Variants in DGKB observed in about 807,000 individuals in gnomAD.
The protein encoded by DGKB is 90 kDa diacylglycerol kinase.
In DGKB, 67 loss-of-function variants were observed where a neutral mutation model predicts 114.3. That is an observed-to-expected ratio of 0.59 (90% CI 0.48 to 0.72). The LOEUF is 0.72. Ranked by LOEUF, DGKB falls within the 30% of genes least tolerant of loss-of-function variation. The pLI is 0.00. For missense variants in DGKB, 907 were observed against 975.2 expected (o/e 0.93, Z 0.93); for synonymous variants, 398 against 323.1 (o/e 1.23, Z -2.49).
chr7:14,695,927 T>G (rs1299261894), intron 8 of DGKB, among the ~76,000 whole-genome samples: 1 of 152,178 alleles, frequency 6.6e-6, no homozygotes, highest in African/African-American at 2.4e-5. Context: ...ACAGCAGACA[T>G]AATGTACAAC....
chr7:14,885,669 T>C (rs1854944756), intron 1 of DGKB, among the ~76,000 whole-genome samples: 1 of 152,008 alleles, frequency 6.6e-6, no homozygotes, highest in South Asian at 2.1e-4. Context: ...CTTGCGTCAA[T>C]TGATGGTAAT....
chr7:14,612,036 C>T (rs1805636826), intron 16 of DGKB, among the ~76,000 whole-genome samples: 2 of 150,768 alleles, frequency 1.3e-5, no homozygotes, highest in Non-Finnish European at 3.0e-5. Flanking sequence ...AAAACTATTC[C>T]CTTTAATAAA....
intron 21 of DGKB, among the ~76,000 whole-genome samples, chr7:14,443,449 G>C (rs1442469592): frequency 1.3e-5 from 2 of 152,106 alleles, no homozygotes; most frequent in Admixed American, 1.3e-4. Flanking sequence ...TTAGAAATAA[G>C]CTCTCTTGCT....
intron 2 of DGKB, among the ~76,000 whole-genome samples, chr7:14,825,039 T>C (rs1845499969): frequency 7.0e-6 from 1 of 143,208 alleles, no homozygotes; most frequent in Admixed American, 7.0e-5. Flanking sequence ...TATATATATA[T>C]ATATATATAT....
intron 20 of DGKB, among the ~76,000 whole-genome samples, chr7:14,550,312 T>C (rs926314088): frequency 6.6e-6 from 1 of 152,144 alleles, no homozygotes; most frequent in Non-Finnish European, 1.5e-5. Context: ...AAACAAAATG[T>C]AATTGAAAGA....
chr7:14,396,165 T>C (rs1433074097), intron 21 of DGKB, among the ~76,000 whole-genome samples: 2 of 152,072 alleles, frequency 1.3e-5, no homozygotes, highest in Non-Finnish European at 2.9e-5. Flanking sequence ...ATTTTAAATA[T>C]ATTAACTGTG....
At chr7:14,428,211 A>C (rs1013168584) in intron 21 of DGKB, among the ~76,000 whole-genome samples, 1 of 151,868 alleles carries the variant, frequency 6.6e-6, no homozygotes, top group Non-Finnish European at 1.5e-5. Flanking sequence ...ATCTTCCAAT[A>C]TTCTTTCATT....
chr7:14,769,133 G>A (rs764397025), intron 2 of DGKB, among the ~76,000 whole-genome samples: 50 of 122,500 alleles, frequency 4.1e-4, no homozygotes, highest in Middle Eastern at 4.7e-3. Context: ...AAGAGAGAGA[G>A]AGAAAGAAAG....
chr7:14,371,040 A>G (rs1817546829), intron 21 of DGKB, among the ~76,000 whole-genome samples: 1 of 152,170 alleles, frequency 6.6e-6, no homozygotes, highest in Non-Finnish European at 1.5e-5. Context: ...ATATATATAT[A>G]TAACACATTT....
At chr7:14,595,531 GA>G (rs1802430704) in intron 17 of DGKB, among the ~76,000 whole-genome samples, 1 of 97,858 alleles carries the variant, frequency 1.0e-5, no homozygotes, top group Admixed American at 9.8e-5. Context: ...TATAAAAATT[GA>G]GGCCCCCCTT....
At chr7:14,595,267 T>C (rs1462276296) in intron 17 of DGKB, among the ~76,000 whole-genome samples, 2 of 152,072 alleles carry the variant, frequency 1.3e-5, no homozygotes, top group African/African-American at 2.4e-5. Flanking sequence ...TGAAGTGACA[T>C]ACTGTCAGTG....
intron 17 of DGKB, among the ~76,000 whole-genome samples, chr7:14,584,588 C>A (rs539447321): frequency 6.6e-6 from 1 of 152,072 alleles, no homozygotes; most frequent in Non-Finnish European, 1.5e-5. Context: ...CCTGGAGATG[C>A]GTAACCTGTC....
At chr7:14,613,567 G>C (rs987013235) in intron 15 of DGKB, among the ~76,000 whole-genome samples, 154 bp from the exon 16 acceptor site, 1 of 133,382 alleles carries the variant, frequency 7.5e-6, no homozygotes, top group Non-Finnish European at 1.7e-5. Context: ...GAGTGTGTGC[G>C]TGTGTGTGCG....
chr7:14,259,716 G>A (rs750810307), intron 23 of DGKB, among the ~76,000 whole-genome samples: 2 of 152,160 alleles, frequency 1.3e-5, no homozygotes, highest in South Asian at 2.1e-4. Context: ...GTGAGCCACC[G>A]TGCCCAGCCA....
At chr7:14,970,062 A>T (rs781327710) in intron 1 of DGKB, among the ~76,000 whole-genome samples, 2 of 152,198 alleles carry the variant, frequency 1.3e-5, no homozygotes, top group Non-Finnish European at 1.5e-5. Context: ...GAAAGTGAAA[A>T]TTTATGGGAT....
chr7:14,585,959 G>C (rs1800694359), intron 17 of DGKB, among the ~76,000 whole-genome samples: 1 of 152,048 alleles, frequency 6.6e-6, no homozygotes, highest in African/African-American at 2.4e-5. Context: ...CTCTCTTTGT[G>C]TCCTCAGGCC....
At chr7:14,772,662 A>G (rs1387631708) in intron 2 of DGKB, among the ~76,000 whole-genome samples, 1 of 152,166 alleles carries the variant, frequency 6.6e-6, no homozygotes, top group African/African-American at 2.4e-5. Flanking sequence ...CATCTGTTAC[A>G]CTGACACCAA....
At chr7:14,857,258 T>TTGCGTGTGTGTGTG (rs1850299097) in intron 1 of DGKB, among the ~76,000 whole-genome samples, 1 of 138,262 alleles carries the variant, frequency 7.2e-6, no homozygotes, top group African/African-American at 2.7e-5. Flanking sequence ...CTGTGTGTGT[T>TTGCGTGTGTGTGTG]TGTGTGTGTG....
At chr7:14,789,837 C>T (rs574187421) in intron 2 of DGKB, among the ~76,000 whole-genome samples, 5 of 152,022 alleles carry the variant, frequency 3.3e-5, no homozygotes, top group Admixed American at 2.6e-4. Context: ...TATAGTAGTG[C>T]CATGTTTAGT....
Sources: allele counts gnomAD v4.1 joint callset (sites outside exome capture counted in the v4.1 genomes callset), GRCh38; gene constraint gnomAD v4.1.1; transcripts MANE v1.5; gene names NCBI Gene and HGNC (gene_info 2026-07-23, HGNC 2026-07-21).